The following FTO variants were observed in gnomAD, a reference collection of about 807,000 sequenced individuals.
FTO encodes alpha-ketoglutarate-dependent dioxygenase FTO.
Under a neutral mutation model 63.9 loss-of-function variants are expected in FTO, and 47 were observed. The observed-to-expected ratio is 0.74, with a 90% CI of 0.58 to 0.94. The LOEUF (loss-of-function observed/expected upper bound fraction) is 0.94. Ranked by LOEUF, FTO falls within the 40% of genes least tolerant of loss-of-function variation. The pLI is 0.00. For missense variants in FTO, 562 were observed against 618.1 expected, an observed-to-expected ratio of 0.91 and a Z score of 0.96; for synonymous variants, 207 against 224.4, an observed-to-expected ratio of 0.92 and a Z score of 0.69.
At chr16:54,106,875 TAAA>T (rs1245679071) in intron 8 of FTO, among the ~76,000 whole-genome samples, 1 of 138,996 alleles carries the variant, frequency 7.2e-6, no homozygotes, top group East Asian at 2.0e-4. Context: ...AATAATATAA[TAAA>T]TATATTATTG....
intron 8 of FTO, among the ~76,000 whole-genome samples, chr16:54,003,568 C>T (rs1301908104): frequency 6.6e-6 from 1 of 152,128 alleles, no homozygotes; most frequent in Non-Finnish European, 1.5e-5. Flanking sequence ...GTTGCCCAAG[C>T]CAGTCTCAAA....
chr16:53,830,665 C>G (rs1009260520), intron 3 of FTO, among the ~76,000 whole-genome samples: 4 of 152,098 alleles, frequency 2.6e-5, no homozygotes, highest in Non-Finnish European at 4.4e-5. Flanking sequence ...TTTGGGAGAC[C>G]AAGGCAGGTG....
chr16:53,728,937 T>G (rs1163007257), intron 1 of FTO, among the ~76,000 whole-genome samples: 1 of 151,348 alleles, frequency 6.6e-6, no homozygotes, highest in Non-Finnish European at 1.5e-5. Flanking sequence ...TTTTTTTTTG[T>G]ATTTTTAGTA....
intron 1 of FTO, among the ~76,000 whole-genome samples, chr16:53,786,309 G>T (rs1385860257): frequency 3.3e-5 from 5 of 152,210 alleles, no homozygotes; most frequent in African/African-American, 1.2e-4. Flanking sequence ...TAGGAGAGGA[G>T]AAAGTGAGCT....
chr16:53,927,027 C>T (rs2082159728), intron 7 of FTO, among the ~76,000 whole-genome samples: 1 of 152,112 alleles, frequency 6.6e-6, no homozygotes, highest in Non-Finnish European at 1.5e-5. Flanking sequence ...CTAAAAACCA[C>T]TATTATAGGT....
At chr16:54,030,796 C>T (rs2084810971) in intron 8 of FTO, among the ~76,000 whole-genome samples, 1 of 152,130 alleles carries the variant, frequency 6.6e-6, no homozygotes, top group African/African-American at 2.4e-5. Context: ...ATTTAAAGAA[C>T]AGTTCAAGAT....
intron 1 of FTO, among the ~76,000 whole-genome samples, chr16:53,750,009 T>A (rs1479360314): frequency 1.3e-5 from 2 of 152,162 alleles, no homozygotes; most frequent in African/African-American, 4.8e-5. Context: ...TCAAAGAATC[T>A]GTGCAAGAAA....
At chr16:54,000,294 A>G (rs183712758) in intron 8 of FTO, among the ~76,000 whole-genome samples, 31 of 152,332 alleles carry the variant, frequency 2.0e-4, no homozygotes, top group Admixed American at 5.2e-4. Context: ...GTCAACAGGC[A>G]CAGAAGTCAT....
intron 1 of FTO, among the ~76,000 whole-genome samples, chr16:53,792,462 A>G (rs1202636773): frequency 2.6e-5 from 4 of 152,218 alleles, no homozygotes; most frequent in African/African-American, 9.6e-5. Context: ...ATGGATAGTC[A>G]CTGAGGTCAC....
intron 1 of FTO, among the ~76,000 whole-genome samples, chr16:53,788,372 G>A (rs557970003): frequency 2.6e-4 from 39 of 152,170 alleles, no homozygotes; most frequent in African/African-American, 9.4e-4. Context: ...GGACGCTGAG[G>A]TGGGCGGCTC....
intron 1 of FTO, among the ~76,000 whole-genome samples, chr16:53,710,542 C>T (rs773876110): frequency 5.9e-5 from 9 of 152,064 alleles, no homozygotes; most frequent in Non-Finnish European, 1.0e-4. Context: ...GGATTACAGG[C>T]GTGAGCCACC....
chr16:54,055,180 G>C (rs1460137229), intron 8 of FTO, among the ~76,000 whole-genome samples: 1 of 152,180 alleles, frequency 6.6e-6, no homozygotes, highest in Non-Finnish European at 1.5e-5. Context: ...GGTGGAACTG[G>C]TGCTCTGATA....
In FTO at chr16:53,760,237, TGTGTGTGTGTGTGTGTGTG is replaced by T. The variant is rs1348637683; in HGVS notation, c.46-49902_46-49884del. 0.02 allele frequency among the ~76,000 whole-genome samples: 320 copies of T among 15,696 alleles called. 2 individuals are homozygous for T. In the African/African-American group the frequency reaches 0.22, roughly 11 times the overall value. 10.3% of individuals were successfully genotyped at this position (15,696 alleles called of 152,430 possible). A position where few individuals can be genotyped will look rare whatever the true frequency, so the allele number is the denominator to read the frequency against. ...GTGTGTGTGTGTGTGTGTGTGTGTGTGTGTGTGTGTGTGTGTGTGTGTGTTTTTTGGAGACAGGGTCTCA... is the reference window on the plus strand; with the variant it reads ...GTGTGTGTGTGTGTGTGTGTGTGTGTTGTGTTTTTTGGAGACAGGGTCTCA... On this transcript the variant is annotated intron_variant, in intron 1 of 8. Coordinates refer to ENST00000471389, the MANE Select transcript of FTO (RefSeq NM_001080432.3).
chr16:53,829,047 C>T (rs540890672), intron 3 of FTO, among the ~76,000 whole-genome samples: 8 of 152,098 alleles, frequency 5.3e-5, no homozygotes, highest in Non-Finnish European at 1.0e-4. Flanking sequence ...TGCACCACTA[C>T]TCCCAGCTAA....
At chr16:54,072,099 G>T (rs1360132521) in intron 8 of FTO, 1 of 152,202 alleles carries the variant, frequency 6.6e-6, no homozygotes, top group African/African-American at 2.4e-5. Context: ...TGACCCCAGG[G>T]CCAGGAGGCT....
intron 7 of FTO, among the ~76,000 whole-genome samples, chr16:53,904,691 A>G (rs1462763603): frequency 2.0e-5 from 3 of 152,186 alleles, no homozygotes; most frequent in Non-Finnish European, 4.4e-5. Context: ...ATCCCTGGAA[A>G]CATGGCACTT....
intron 1 of FTO, among the ~76,000 whole-genome samples, chr16:53,802,132 T>A (rs986754449): frequency 6.6e-6 from 1 of 152,138 alleles, no homozygotes; most frequent in Non-Finnish European, 1.5e-5. Context: ...CTGTGGGGGA[T>A]TGGTTCCAGG....
At chr16:53,731,226 A>T (rs1183036695) in intron 1 of FTO, among the ~76,000 whole-genome samples, 1 of 152,226 alleles carries the variant, frequency 6.6e-6, no homozygotes, top group African/African-American at 2.4e-5. Context: ...GAAGGAAAGG[A>T]AGAACAAAAT....
intron 6 of FTO, among the ~76,000 whole-genome samples, chr16:53,882,628 G>C (rs2080868455): frequency 6.6e-6 from 1 of 152,146 alleles, no homozygotes; most frequent in African/African-American, 2.4e-5. Context: ...TAGGAGAAGA[G>C]GTCATAGAGG....
Sources: gnomAD v4.1 joint callset for allele counts (sites outside exome capture counted in the v4.1 genomes callset) on GRCh38, gnomAD v4.1.1 for gene constraint, MANE v1.5 for transcripts, NCBI Gene and HGNC (gene_info 2026-07-23, HGNC 2026-07-21) for gene names.